The following ADAM20 variants were observed in gnomAD, a reference collection of about 807,000 sequenced individuals.
ADAM20 encodes the protein disintegrin and metalloproteinase domain-containing protein 20.
For missense variants in ADAM20, 871 were observed against 883.2 expected (o/e 0.99, Z 0.18); for synonymous variants, 305 against 310.2 (o/e 0.98, Z 0.18).
the ADAM20 span, among the ~76,000 whole-genome samples, chr14:70,564,743 T>TC: frequency 7.1e-6 from 1 of 140,766 alleles, no homozygotes; most frequent in East Asian, 2.0e-4. Context: ...GCAATTTTTT[T>TC]TTTTTTTTTT....
chr14:70,524,704 C>A lies in ADAM20; in HGVS notation c.54G>T (p.Trp18Cys), dbSNP rs768457876. ...CAGAAATAGACAAAAACATCCCAAA[C>A]CAGAGCAGCAGAAGAGTGACCCTGA... The part of the protein sequence containing the change: ...VHIRVTLLLL[W>C]FGMFLSISGH... The change falls in exon 2 of 2, where the codon TGG becomes TGT. Residue 18 changes from tryptophan (W) to cysteine (C), a missense_variant. Physicochemically the swap from Trp to Cys is radical, Grantham distance 215. Coordinates refer to ENST00000256389, the MANE Select transcript of ADAM20 (RefSeq NM_003814.5). 5.6e-6 allele frequency: 9 copies of A among 1,613,854 alleles called. No homozygotes were observed. The highest frequency in any genetic ancestry group is 3.3e-5 in the Admixed American group (2 of 59,962).
the ADAM20 span, among the ~76,000 whole-genome samples, chr14:70,568,464 G>C: frequency 6.6e-6 from 1 of 152,214 alleles, no homozygotes; most frequent in Non-Finnish European, 1.5e-5. Context: ...AACTCTGGCA[G>C]TATAAAAAGC....
chr14:70,537,930 A>T (rs1002714299), upstream of ADAM20, among the ~76,000 whole-genome samples: 4 of 152,110 alleles, frequency 2.6e-5, no homozygotes, highest in Non-Finnish European at 5.9e-5. Flanking sequence ...CTTCTACCTT[A>T]TATCCCAACC....
Position 70,522,523 on chromosome 14 carries a change from T to C in ADAM20, c.*54A>G. On this transcript the variant is annotated 3_prime_UTR_variant, in exon 2 of 2. Coordinates refer to ENST00000256389, the MANE Select transcript of ADAM20 (RefSeq NM_003814.5). ...GGCTTCATATTTTTCTATTAAAAAA[T>C]TGGATATTAAAAATGAAGTATAAAG... The C allele has an allele frequency of 1.4e-6, 2 of 1,433,462 alleles. No individual in the cohort carries two copies. The highest frequency in any genetic ancestry group is 2.5e-4 in the Middle Eastern group (1 of 4,024). The allele number at this position is 1,433,462 out of a possible 1,614,324, so 88.8% of individuals were successfully genotyped here.
chr14:70,558,748 A>G, the ADAM20 span, among the ~76,000 whole-genome samples: 38 of 152,324 alleles, frequency 2.5e-4, 1 homozygote, highest in Admixed American at 2.5e-3. Flanking sequence ...GGCAAAGGGA[A>G]AAACATTTGC....
Position 70,524,105 on chromosome 14 carries a change from A to G in ADAM20, c.653T>C (p.Ile218Thr). The G allele has an allele frequency of 6.2e-7, 1 of 1,613,898 alleles. No homozygotes were observed. Among genetic ancestry groups the G allele is most frequent in the Non-Finnish European group, 8.5e-7 (1 of 1,179,950 alleles). Reference sequence around the variant, plus strand: ...ATTACTTTGAGAGAAAAGATATCTAATATTATCCACGACCACTACCAGCTC... The same window carrying G: ...ATTACTTTGAGAGAAAAGATATCTAGTATTATCCACGACCACTACCAGCTC... ...FVELVVVVDN[I>T]RYLFSQSNAT... is the part of the protein sequence containing the mutation. The change falls in exon 2 of 2, where the codon ATT (isoleucine) becomes ACT (threonine). Residue 218 changes from isoleucine (I) to threonine (T), a missense_variant. Transcript: ENST00000256389.
the ADAM20 span, among the ~76,000 whole-genome samples, chr14:70,564,604 A>T: frequency 6.6e-6 from 1 of 152,142 alleles, no homozygotes; most frequent in South Asian, 2.1e-4. Flanking sequence ...GAATTTTCAA[A>T]TACTGAAAAT....
At chr14:70,531,897 T>G (rs559053750) in intron 1 of ADAM20, among the ~76,000 whole-genome samples, 12 of 152,188 alleles carry the variant, frequency 7.9e-5, no homozygotes, top group African/African-American at 9.6e-5. Context: ...ACTAGAAGAC[T>G]TAATATTGTT....
At chr14:70,544,505 T>G in the ADAM20 span, among the ~76,000 whole-genome samples, 2 of 152,168 alleles carry the variant, frequency 1.3e-5, no homozygotes, top group African/African-American at 2.4e-5. Flanking sequence ...CTGGCTTTCA[T>G]GGTATATATG....
the ADAM20 span, among the ~76,000 whole-genome samples, chr14:70,556,029 C>T: frequency 2.6e-5 from 4 of 152,234 alleles, no homozygotes. Context: ...TTTTCCGACT[C>T]TAGTCTCCAA....
chr14:70,539,091 A>G (rs145166183), upstream of ADAM20, among the ~76,000 whole-genome samples: 4 of 151,432 alleles, frequency 2.6e-5, no homozygotes, highest in African/African-American at 7.3e-5. Flanking sequence ...CCAACAGTGC[A>G]TGATGTGCTT....
the ADAM20 span, among the ~76,000 whole-genome samples, chr14:70,570,532 T>C: frequency 1.5e-3 from 224 of 152,292 alleles, no homozygotes; most frequent in African/African-American, 4.6e-3. Context: ...GAGAAATGGA[T>C]ATATTCCTGG....
chr14:70,560,534 A>G, the ADAM20 span, among the ~76,000 whole-genome samples: 1 of 152,184 alleles, frequency 6.6e-6, no homozygotes, highest in Non-Finnish European at 1.5e-5. Context: ...AAAATTATAA[A>G]ATTTTTTCAA....
chr14:70,554,170 G>C, the ADAM20 span, among the ~76,000 whole-genome samples: 25 of 152,270 alleles, frequency 1.6e-4, no homozygotes, highest in African/African-American at 4.3e-4. Flanking sequence ...ATTTACAATA[G>C]CCACAAATAA....
the ADAM20 span, among the ~76,000 whole-genome samples, chr14:70,568,738 A>G: frequency 9.2e-5 from 14 of 152,314 alleles, no homozygotes; most frequent in South Asian, 2.9e-3. Flanking sequence ...TACAGCTGGA[A>G]GTTTTAATAA....
the ADAM20 span, among the ~76,000 whole-genome samples, chr14:70,544,443 C>T: frequency 6.6e-6 from 1 of 152,018 alleles, no homozygotes; most frequent in Admixed American, 6.6e-5. Context: ...AAGGAAAATA[C>T]TACATATTAA....
At chr14:70,534,596 C>T (rs886348688) in intron 1 of ADAM20, among the ~76,000 whole-genome samples, 5 of 151,822 alleles carry the variant, frequency 3.3e-5, no homozygotes, top group Admixed American at 6.6e-5. Context: ...ATTCCACTTA[C>T]GAGGTATCTA....
the ADAM20 span, among the ~76,000 whole-genome samples, chr14:70,558,708 A>G: frequency 2.0e-5 from 3 of 152,166 alleles, no homozygotes; most frequent in Non-Finnish European, 4.4e-5. Flanking sequence ...TATACAAATA[A>G]AAGTGGGGAG....
In ADAM20 at chr14:70,524,504, G is replaced by A. The variant is rs1191466097; in HGVS notation, c.254C>T (p.Ala85Val). 1.2e-6 allele frequency: 2 copies of A among 1,613,972 alleles called. No individual in the cohort carries two copies. The highest frequency in any genetic ancestry group is 2.2e-5 in the East Asian group (1 of 44,874). Residue 85 changes from alanine to valine, a missense_variant, in exon 2 of 2, where the codon GCA becomes GTA. Transcript: ENST00000256389. ...TGTGTAGGTGAACACAGGAAGGTGTGCAGCAAACAACAGCTTATTTACCCT... is the reference window on the plus strand; with the variant it reads ...TGTGTAGGTGAACACAGGAAGGTGTACAGCAAACAACAGCTTATTTACCCT... ...HMRVNKLLFA[A>V]HLPVFTYTEQ... is the part of the protein sequence containing the mutation.
Sources: gnomAD v4.1 joint callset for allele counts (sites outside exome capture counted in the v4.1 genomes callset) on GRCh38, gnomAD v4.1.1 for gene constraint, MANE v1.5 for transcripts, NCBI Gene and HGNC (gene_info 2026-07-23, HGNC 2026-07-21) for gene names.